Variants in MAGI3 observed in about 807,000 individuals in gnomAD.
MAGI3 encodes the protein membrane-associated guanylate kinase, WW and PDZ domain-containing protein 3.
MAGI3 carries 43 observed loss-of-function variants against 121.8 expected under a neutral mutation model. The observed-to-expected ratio is 0.35, with a 90% CI of 0.28 to 0.46. The LOEUF (loss-of-function observed/expected upper bound fraction) is 0.46. MAGI3 is among the 20% of genes least tolerant of loss of function. The pLI, the probability that MAGI3 is intolerant of heterozygous loss-of-function variation, is 1.00. For missense variants in MAGI3, 1,547 were observed against 1,797.3 expected (o/e 0.86, Z 2.52); for synonymous variants, 553 against 639.3 (o/e 0.86, Z 2.04).
Position 113,517,440 on chromosome 1 carries a change from T to G in MAGI3, c.317-32075T>G, listed in dbSNP as rs116821367. ...GTTAATACCATAGAGAAAAAAAGTA[T>G]ATTTCATTTTTGTTTCTGTTGAGTC... On this transcript the variant is annotated intron_variant, in intron 1 of 20. Transcript: ENST00000307546. Among the ~76,000 whole-genome samples the G allele has an allele frequency of 8.6e-3, 1,306 of 152,136 alleles. 17 individuals carry two copies. Among genetic ancestry groups the G allele is most frequent in the African/African-American group, 0.03 (1,253 of 41,550 alleles).
intron 1 of MAGI3, among the ~76,000 whole-genome samples, chr1:113,396,827 G>A (rs1441695348): frequency 6.6e-6 from 1 of 152,138 alleles, no homozygotes; most frequent in African/African-American, 2.4e-5. Flanking sequence ...TGACTCATTG[G>A]TAAGGAATAC....
intron 1 of MAGI3, among the ~76,000 whole-genome samples, chr1:113,543,430 A>AATC (rs1332245268): frequency 2.6e-5 from 4 of 152,248 alleles, no homozygotes; most frequent in African/African-American, 9.6e-5. Flanking sequence ...GCCAAAATAA[A>AATC]ATCAGTTTCA....
intron 1 of MAGI3, among the ~76,000 whole-genome samples, chr1:113,541,990 C>T (rs1232781937): frequency 6.6e-6 from 1 of 152,122 alleles, no homozygotes; most frequent in Non-Finnish European, 1.5e-5. Flanking sequence ...GCCCTTTTTG[C>T]CTTGCTGGCT....
At chr1:113,472,735 TGTGTG>T (rs1048005109) in intron 1 of MAGI3, among the ~76,000 whole-genome samples, 6 of 22,890 alleles carry the variant, frequency 2.6e-4, no homozygotes, top group African/African-American at 2.6e-3. Context: ...CTACTACAGT[TGTGTG>T]TGTGTGTGTG....
chr1:113,423,245 CG>C (rs1250112341), intron 1 of MAGI3, among the ~76,000 whole-genome samples: 4 of 83,662 alleles, frequency 4.8e-5, no homozygotes, highest in African/African-American at 1.1e-4. Flanking sequence ...GGTAAGTATT[CG>C]TTTTTTTTTT....
At chr1:113,564,430 T>G (rs1027825955) in intron 2 of MAGI3, among the ~76,000 whole-genome samples, 1 of 152,222 alleles carries the variant, frequency 6.6e-6, no homozygotes, top group Non-Finnish European at 1.5e-5. Context: ...GATTCTCCTG[T>G]GTGGCAAGTG....
At chr1:113,430,791 A>G (rs998845027) in intron 1 of MAGI3, among the ~76,000 whole-genome samples, 4 of 152,242 alleles carry the variant, frequency 2.6e-5, no homozygotes, top group Non-Finnish European at 5.9e-5. Context: ...GGAATAGACT[A>G]TCCTAAAGTA....
At chr1:113,672,293 G>C (rs1647605607) in intron 17 of MAGI3, among the ~76,000 whole-genome samples, 1 of 152,178 alleles carries the variant, frequency 6.6e-6, no homozygotes, top group South Asian at 2.1e-4. Flanking sequence ...GGTGCTGCAG[G>C]AGAGCCATTT....
At chr1:113,669,315 C>T (rs1211519721) in intron 16 of MAGI3, among the ~76,000 whole-genome samples, 2 of 152,150 alleles carry the variant, frequency 1.3e-5, no homozygotes, top group African/African-American at 2.4e-5. Flanking sequence ...GTGATTCTTG[C>T]AATCAAGGAG....
chr1:113,450,768 G>T, intron 1 of MAGI3: 2 of 833,244 alleles, frequency 2.4e-6, no homozygotes, highest in Non-Finnish European at 2.1e-6. Context: ...CTTAGTAGGA[G>T]AGAGAGCGAG....
At chr1:113,510,951 C>A (rs1455985084) in intron 1 of MAGI3, among the ~76,000 whole-genome samples, 3 of 152,160 alleles carry the variant, frequency 2.0e-5, no homozygotes, top group Non-Finnish European at 4.4e-5. Context: ...ATCACCATAA[C>A]ATTAATACAT....
intron 19 of MAGI3, among the ~76,000 whole-genome samples, chr1:113,679,263 C>G (rs994741847): frequency 2.0e-5 from 3 of 152,082 alleles, no homozygotes; most frequent in African/African-American, 7.2e-5. Context: ...CTTCCCTCCC[C>G]CCATCTTGTA....
chr1:113,530,350 C>G (rs564480275), intron 1 of MAGI3, among the ~76,000 whole-genome samples: 13 of 149,872 alleles, frequency 8.7e-5, no homozygotes, highest in African/African-American at 3.2e-4. Context: ...CAACTTAACG[C>G]AGGAACAGAA....
intron 1 of MAGI3, among the ~76,000 whole-genome samples, chr1:113,403,215 C>A (rs1227428377): frequency 6.6e-6 from 1 of 151,952 alleles, no homozygotes; most frequent in Non-Finnish European, 1.5e-5. Context: ...AGGAAAGTGG[C>A]AATCAGGAGG....
At chr1:113,412,157 ATGATG>A (rs113713388) in intron 1 of MAGI3, among the ~76,000 whole-genome samples, 21 of 151,944 alleles carry the variant, frequency 1.4e-4, no homozygotes, top group African/African-American at 4.6e-4. Flanking sequence ...TTTGCTGAGA[ATGATG>A]GTTTCCAGCT....
chr1:113,634,710 A>G (rs1054005833), intron 9 of MAGI3, among the ~76,000 whole-genome samples: 9 of 152,146 alleles, frequency 5.9e-5, no homozygotes, highest in Non-Finnish European at 1.3e-4. Flanking sequence ...TGACTTGGCA[A>G]TGTGGGCTTT....
chr1:113,603,488 TCTCTAA>T (rs944883719), intron 6 of MAGI3, among the ~76,000 whole-genome samples: 1 of 152,092 alleles, frequency 6.6e-6, no homozygotes, highest in South Asian at 2.1e-4. Flanking sequence ...GAGGGAATCT[TCTCTAA>T]CTCTTTCTAT....
In MAGI3 at chr1:113,658,931, G is replaced by T; in HGVS notation, c.2630-149G>T. On this transcript the variant is annotated intron_variant, in intron 15 of 20. Transcript: ENST00000307546. This position sits in a 1 kb window ranked among gnomAD's most constrained non-coding sequence, Gnocchi z 4.0. ...GAGAAGTATGAAAATAGTTCCGTTT[G>T]GATGCGATGATGACGTGTGGTACTT... 1.5e-6 allele frequency: 1 copy of T among 672,512 alleles called. No homozygotes were observed. The highest frequency in any genetic ancestry group is 2.5e-6 in the Non-Finnish European group (1 of 396,098). 41.7% of individuals were successfully genotyped at this position (672,512 alleles called of 1,614,324 possible).
intron 2 of MAGI3, among the ~76,000 whole-genome samples, chr1:113,567,769 G>T: frequency 6.6e-6 from 1 of 152,118 alleles, no homozygotes; most frequent in South Asian, 2.1e-4. Flanking sequence ...AACAGGAAAA[G>T]ACAGAAGGCT....
Sources: gnomAD v4.1 joint callset for allele counts (sites outside exome capture counted in the v4.1 genomes callset) on GRCh38, gnomAD v4.1.1 for gene constraint, Gnocchi (gnomAD v3.1) non-coding constraint, MANE v1.5 for transcripts, NCBI Gene and HGNC (gene_info 2026-07-23, HGNC 2026-07-21) for gene names.